Variants in CUX2 observed in about 807,000 individuals in gnomAD.
CUX2 encodes cut like homeobox 2.
CUX2 carries 40 observed loss-of-function variants against 144.8 expected under a neutral mutation model. That is an observed-to-expected ratio of 0.28 (90% CI 0.21 to 0.36). The LOEUF is 0.36. Among genes scored for constraint, CUX2 ranks in the 10% least tolerant of loss-of-function variants. CUX2 has a pLI of 1.00. For synonymous variants in CUX2, 827 were observed against 875.6 expected, an observed-to-expected ratio of 0.94 and a Z score of 0.98; for missense variants, 1,615 against 1,994.0, an observed-to-expected ratio of 0.81 and a Z score of 3.62.
chr12:111,140,058 T>C (rs1876199420), intron 1 of CUX2, among the ~76,000 whole-genome samples: 1 of 152,208 alleles, frequency 6.6e-6, no homozygotes, highest in Non-Finnish European at 1.5e-5. Flanking sequence ...AATGTCAGTA[T>C]TTGGCATTTC....
intron 1 of CUX2, among the ~76,000 whole-genome samples, chr12:111,188,623 G>C (rs1190569437): frequency 6.6e-6 from 1 of 152,108 alleles, no homozygotes; most frequent in East Asian, 1.9e-4. Flanking sequence ...CGTCAGAGTG[G>C]TTGGAACCCA....
intron 3 of CUX2, among the ~76,000 whole-genome samples, chr12:111,261,275 G>A (rs918930181): frequency 2.0e-5 from 3 of 152,188 alleles, no homozygotes; most frequent in African/African-American, 7.2e-5. Context: ...GCCATTCGGT[G>A]ATTGATGTGT....
In CUX2 at chr12:111,268,826, C is replaced by T. The variant is rs574030018; in HGVS notation, c.301+4987C>T. 1.7e-4 allele frequency among the ~76,000 whole-genome samples: 26 copies of T among 152,316 alleles called. No homozygotes were observed. The South Asian group carries it at 4.6e-3, about 27-fold the overall frequency. ...TCCCACCCTTTTCGATCCTTTGGGT[C>T]CCACTGTGTCAGCGACAAATGACAC... On this transcript the variant is annotated intron_variant, in intron 4 of 21. Transcript: ENST00000261726.
chr12:111,224,345 T>C lies in CUX2; in HGVS notation c.222+6408T>C, dbSNP rs1361502746. Among the ~76,000 whole-genome samples, 4 of 150,384 alleles carry C rather than the reference T, an allele frequency of 2.7e-5. No individual in the cohort carries two copies. The Admixed American group carries it at 2.7e-4, about 10-fold the overall frequency. The stretch of plus-strand genomic sequence containing the variant: ...GGCTTCCTGAGAGGGGAGTGGAGGG[T>C]TTCCTCACAGTTGAGATCACCCAAG... On this transcript the variant is annotated intron_variant, in intron 3 of 21. Coordinates refer to ENST00000261726, the MANE Select transcript of CUX2 (RefSeq NM_015267.4).
intron 8 of CUX2, among the ~76,000 whole-genome samples, chr12:111,297,608 A>G (rs1886078287): frequency 6.6e-6 from 1 of 152,060 alleles, no homozygotes; most frequent in Non-Finnish European, 1.5e-5. Flanking sequence ...ATTCACCTAA[A>G]TTACTCTGGA....
chr12:111,134,984 C>T (rs1003910530), intron 1 of CUX2, among the ~76,000 whole-genome samples: 4 of 152,086 alleles, frequency 2.6e-5, no homozygotes, highest in Non-Finnish European at 5.9e-5. Flanking sequence ...CCACAGAAGC[C>T]ATTCAGGGCT....
chr12:111,308,465 G>A lies in CUX2; in HGVS notation c.1197G>A (p.Lys399=). 1.2e-6 allele frequency: 2 copies of A among 1,614,162 alleles called. No homozygotes were observed. The highest frequency in any genetic ancestry group is 1.7e-6 in the Non-Finnish European group (2 of 1,180,018). Residue 399 remains lysine, a synonymous_variant, in exon 14 of 22, where the codon AAG becomes AAA. Transcript: ENST00000261726. The part of the protein sequence containing the change: ...AKPEDSLLIA[K]EAFFPTQKFL... ...CTGAAGACTCACTGCTTATTGCAAA[G>A]GAGGCCTTCTTCCCCACGCAGAAAT...
At chr12:111,093,665 T>C (rs1008058932) in intron 1 of CUX2, among the ~76,000 whole-genome samples, 2 of 152,060 alleles carry the variant, frequency 1.3e-5, no homozygotes, top group African/African-American at 4.8e-5. Flanking sequence ...CACCTGAGCT[T>C]TTAGGGGGAA....
At chr12:111,238,816 G>A (rs565541592) in intron 3 of CUX2, among the ~76,000 whole-genome samples, 10 of 152,304 alleles carry the variant, frequency 6.6e-5, no homozygotes, top group Non-Finnish European at 1.0e-4. Flanking sequence ...AGACCGAGGC[G>A]GGTGGGTCAC....
In CUX2 at chr12:111,242,465, A is replaced by G. The variant is rs528628494; in HGVS notation, c.223-21296A>G. ...AGAGATCAGGTGGCCTGAAAAGCTG[A>G]AAATACTTGCTCCGTGGCTCTTGAT... On this transcript the variant is annotated intron_variant, in intron 3 of 21. Transcript: ENST00000261726. Among the ~76,000 whole-genome samples the G allele has an allele frequency of 3.4e-4, 52 of 152,340 alleles. 3 individuals are homozygous for G. In the South Asian group the frequency reaches 0.011, roughly 32 times the overall value.
rs1448859343 is a variant in CUX2 at position 111,277,903 on chromosome 12, A to G, written c.302-13515A>G. Among the ~76,000 whole-genome samples the G allele has an allele frequency of 1.3e-5, 2 of 152,234 alleles. No individual in the cohort carries two copies. Among genetic ancestry groups the G allele is most frequent in the African/African-American group, 4.8e-5 (2 of 41,474 alleles). On this transcript the variant is annotated intron_variant, in intron 4 of 21. Transcript: ENST00000261726. The surrounding 1 kb of genome is among the most constrained non-coding windows in gnomAD (Gnocchi z 5.0). ...AGTCCAAGATGGGTCTCACTGGGCA[A>G]CAATCAAAGCATTCGCAGGGCCGGG...
intron 1 of CUX2, among the ~76,000 whole-genome samples, chr12:111,070,091 C>T (rs559895493): frequency 6.6e-6 from 1 of 152,312 alleles, no homozygotes; most frequent in African/African-American, 2.4e-5. Flanking sequence ...TAGGCACACA[C>T]CTCCATGCTC....
In CUX2 at chr12:111,214,184, T is replaced by C. The variant is rs763538978; in HGVS notation, c.64-16T>C. On this transcript the variant is annotated splice_polypyrimidine_tract_variant and intron_variant, in intron 1 of 21. Transcript: ENST00000261726. ...TTTTCTCTCTCTCTCTTTTTTTTTT[T>C]TTTTTATTGTTCCAGAAGGAGCTTA... 2 of 1,430,992 alleles carry C rather than the reference T, an allele frequency of 1.4e-6. No individual in the cohort carries two copies. Among genetic ancestry groups the C allele is most frequent in the Non-Finnish European group, 1.9e-6 (2 of 1,060,080 alleles). The allele number at this position is 1,430,992 out of a possible 1,614,324, so 88.6% of individuals were successfully genotyped here.
In CUX2 at chr12:111,057,908, G is replaced by A. The variant is rs1438564307; in HGVS notation, c.63+23668G>A. 6.6e-6 allele frequency among the ~76,000 whole-genome samples: 1 copy of A among 152,114 alleles called. No homozygotes were observed. The highest frequency in any genetic ancestry group is 1.5e-5 in the Non-Finnish European group (1 of 68,020). On this transcript the variant is annotated intron_variant, in intron 1 of 21. Coordinates refer to ENST00000261726, the MANE Select transcript of CUX2 (RefSeq NM_015267.4). The surrounding 1 kb of genome is among the most constrained non-coding windows in gnomAD (Gnocchi z 5.1). ...GGACGCCTGGGTAATGACTGAACGC[G>A]CTAACTCCGTTAGCAGCCCTGGAAG...
At chr12:111,099,071 C>T (rs1320221684) in intron 1 of CUX2, among the ~76,000 whole-genome samples, 1 of 152,226 alleles carries the variant, frequency 6.6e-6, no homozygotes, top group African/African-American at 2.4e-5. Flanking sequence ...CCAGAGGAGG[C>T]CACCTACATC....
chr12:111,312,275 C>A lies in CUX2; in HGVS notation c.2002+74C>A. ...CGAACAGGAGATGAGGCTTCGTCTA[C>A]CTTTGTCCACCCCAGAGGGAATCCA... On this transcript the variant is annotated intron_variant, in intron 16 of 21. Transcript: ENST00000261726. This position sits in a 1 kb window ranked among gnomAD's most constrained non-coding sequence, Gnocchi z 4.3. The A allele has an allele frequency of 1.5e-6, 2 of 1,319,656 alleles. No homozygotes were observed. The highest frequency in any genetic ancestry group is 1.1e-6 in the Non-Finnish European group (1 of 946,696). 81.7% of individuals were successfully genotyped at this position (1,319,656 alleles called of 1,614,324 possible). A position where few individuals can be genotyped will look rare whatever the true frequency, so the allele number is the denominator to read the frequency against.
At chr12:111,269,938 T>C (rs1317470498) in intron 4 of CUX2, among the ~76,000 whole-genome samples, 1 of 152,174 alleles carries the variant, frequency 6.6e-6, no homozygotes, top group Non-Finnish European at 1.5e-5. Context: ...CAAGGAGCCT[T>C]AACTGATGGA....
chr12:111,210,895 G>A (rs576181549), intron 1 of CUX2, among the ~76,000 whole-genome samples: 2 of 152,062 alleles, frequency 1.3e-5, no homozygotes, highest in African/African-American at 2.4e-5. Flanking sequence ...TGATGGAGAC[G>A]CAGAGCAGAA....
chr12:111,062,408 T>TA (rs1870822492), intron 1 of CUX2, among the ~76,000 whole-genome samples: 2 of 152,128 alleles, frequency 1.3e-5, no homozygotes, highest in Non-Finnish European at 1.5e-5. Flanking sequence ...TGATGTCATG[T>TA]AAAAAAAGGC....
Sources: allele counts gnomAD v4.1 joint callset (sites outside exome capture counted in the v4.1 genomes callset), GRCh38; gene constraint gnomAD v4.1.1; non-coding constraint Gnocchi (gnomAD v3.1); transcripts MANE v1.5; gene names NCBI Gene and HGNC (gene_info 2026-07-23, HGNC 2026-07-21).